VWA5A: variants seen among roughly 807,000 people sequenced by gnomAD.
VWA5A encodes the protein von Willebrand factor A domain containing 5A, also known as von Willebrand factor A domain-containing protein 5A.
VWA5A carries 77 observed loss-of-function variants against 84.6 expected under a neutral mutation model. That is an observed-to-expected ratio of 0.91 (90% confidence interval 0.76 to 1.10). The LOEUF is 1.10. VWA5A is among the 50% of genes least tolerant of loss of function. VWA5A has a pLI of 0.00. For missense variants in VWA5A, 973 were observed against 963.0 expected, an observed-to-expected ratio of 1.01 and a Z score of -0.14; for synonymous variants, 334 against 350.1, an observed-to-expected ratio of 0.95 and a Z score of 0.51.
intron 7 of VWA5A, among the ~76,000 whole-genome samples, chr11:124,122,313 C>G (rs1864944203): frequency 6.6e-6 from 1 of 152,142 alleles, no homozygotes; most frequent in Non-Finnish European, 1.5e-5. Context: ...GACAACATGG[C>G]CAGATAGACT....
Position 124,145,300 on chromosome 11 carries a change from G to A in VWA5A, c.2218G>A (p.Asp740Asn), listed in dbSNP as rs769598507. 2.5e-6 allele frequency: 4 copies of A among 1,613,936 alleles called. No homozygotes were observed. Among genetic ancestry groups the A allele is most frequent in the Middle Eastern group, 3.3e-4 (2 of 6,060 alleles). ...AVIWLHSNGK[D>N]LKCEWELLER... ...GATCTGGCTGCACAGCAATGGTAAGGACTTGAAGTGTGAATGGGAGCTTCT... is the reference window on the plus strand; with the variant it reads ...GATCTGGCTGCACAGCAATGGTAAGAACTTGAAGTGTGAATGGGAGCTTCT... The change falls in exon 18 of 19, where the codon GAC becomes AAC. Residue 740 changes from aspartate to asparagine, a missense_variant. Transcript: ENST00000456829.
chr11:124,133,982 G>A (rs1865135133), intron 11 of VWA5A, among the ~76,000 whole-genome samples: 1 of 152,102 alleles, frequency 6.6e-6, no homozygotes, highest in African/African-American at 2.4e-5. Flanking sequence ...CCTGGCACTG[G>A]CTTCCCAAAG....
intron 11 of VWA5A, among the ~76,000 whole-genome samples, chr11:124,130,650 A>G (rs574790098): frequency 4.7e-4 from 71 of 152,096 alleles, no homozygotes; most frequent in Non-Finnish European, 8.8e-4. Context: ...TGCTTTGTGA[A>G]TCTGTGTGCT....
At chr11:124,134,839 G>A (rs1865149058) in intron 11 of VWA5A, 81 bp from the exon 12 acceptor site, 1 of 982,640 alleles carries the variant, frequency 1.0e-6, no homozygotes, top group Non-Finnish European at 1.5e-6. Context: ...ATTTCCTTAT[G>A]TATTTTTGGC....
At chr11:124,128,631 A>G (rs748808732) in intron 11 of VWA5A, among the ~76,000 whole-genome samples, 6 of 152,072 alleles carry the variant, frequency 3.9e-5, no homozygotes, top group Non-Finnish European at 8.8e-5. Context: ...ATGTTTTTCT[A>G]TTTGTTTGTG....
chr11:124,123,062 G>A lies in VWA5A; in HGVS notation c.863G>A (p.Arg288His), dbSNP rs763589021. Residue 288 changes from arginine to histidine, a missense_variant, in exon 8 of 19, where the codon CGC becomes CAC. Physicochemically the swap from Arg to His is conservative, Grantham distance 29. Coordinates refer to ENST00000456829, the MANE Select transcript of VWA5A (RefSeq NM_001130142.2). Reference sequence around the variant, plus strand: ...GGAGAGTTTATCTTTCTCATGGACCGCTCGGGAAGTATGCAGAGCCCCATG... The same window carrying A: ...GGAGAGTTTATCTTTCTCATGGACCACTCGGGAAGTATGCAGAGCCCCATG... ...TCGEFIFLMD[R>H]SGSMQSPMSS... is the part of the protein sequence containing the mutation. The A allele has an allele frequency of 2.3e-5, 37 of 1,613,886 alleles. No individual in the cohort carries two copies. Among genetic ancestry groups the A allele is most frequent in the African/African-American group, 1.1e-4 (8 of 74,892 alleles).
Position 124,134,986 on chromosome 11 carries a change from A to T in VWA5A, c.1311A>T (p.Ser437=). 6.2e-7 allele frequency: 1 copy of T among 1,613,650 alleles called. No individual in the cohort carries two copies. The highest frequency in any genetic ancestry group is 8.5e-7 in the Non-Finnish European group (1 of 1,179,830). The change falls in exon 12 of 19, where the codon TCA becomes TCT. Residue 437 remains serine (S), a synonymous_variant. Transcript: ENST00000456829. Reference sequence around the variant, plus strand: ...TAATAAAAGGTATTGCCCGGGCATCAGGGGGCACCTCAGAATTTATCACAG... The same window carrying T: ...TAATAAAAGGTATTGCCCGGGCATCTGGGGGCACCTCAGAATTTATCACAG... The part of the protein sequence containing the change: ...TSLIKGIARA[S]GGTSEFITGK...
In VWA5A at chr11:124,126,424, A is replaced by G. The variant is rs577388694; in HGVS notation, c.1244+2108A>G. On this transcript the variant is annotated intron_variant, in intron 11 of 18. Coordinates refer to ENST00000456829, the MANE Select transcript of VWA5A (RefSeq NM_001130142.2). Reference sequence around the variant, plus strand: ...ATTTCTCGAAGTGTTTGTTTCCAACATTTTATTAAGAAACCTTAAACATAT... The same window carrying G: ...ATTTCTCGAAGTGTTTGTTTCCAACGTTTTATTAAGAAACCTTAAACATAT... 3.3e-5 allele frequency among the ~76,000 whole-genome samples: 5 copies of G among 152,310 alleles called. No homozygotes were observed. In the South Asian group the frequency reaches 1.0e-3, roughly 32 times the overall value.
intron 11 of VWA5A, among the ~76,000 whole-genome samples, chr11:124,126,711 A>G (rs1214877267): frequency 6.6e-6 from 1 of 151,712 alleles, no homozygotes; most frequent in East Asian, 1.9e-4. Flanking sequence ...GTGAGCCGAG[A>G]TCACACCGCT....
chr11:124,144,992 A>T (rs961872709), intron 17 of VWA5A, among the ~76,000 whole-genome samples: 1 of 152,188 alleles, frequency 6.6e-6, no homozygotes, highest in Non-Finnish European at 1.5e-5. Context: ...AGGGGTTTCC[A>T]GAACCGTCCT....
At position 124,137,277 on chromosome 11, in the gene VWA5A, T is replaced by C. The variant is rs1225974446; in HGVS notation, c.1879+9T>C. 3 of 1,612,548 alleles carry C rather than the reference T, an allele frequency of 1.9e-6. No individual in the cohort carries two copies. The highest frequency in any genetic ancestry group is 1.7e-6 in the Non-Finnish European group (2 of 1,179,356). On this transcript the variant is annotated intron_variant, in intron 15 of 18. Transcript: ENST00000456829. The stretch of plus-strand genomic sequence containing the variant: ...GATAAAATGCCAATCAGGTAATGAG[T>C]TTTATTCCATTCAAACTCATATAGA...
chr11:124,117,859 T>C lies in VWA5A; in HGVS notation c.230T>C (p.Leu77Ser). 1.2e-6 allele frequency: 2 copies of C among 1,614,208 alleles called. No individual in the cohort carries two copies. The highest frequency in any genetic ancestry group is 3.3e-4 in the Middle Eastern group (2 of 6,062). Reference sequence around the variant, plus strand: ...GATGGGAAGAAAATTGTAGCAGAATTACAAGACAAGATGAAGGTAGTAGAG... The same window carrying C: ...GATGGGAAGAAAATTGTAGCAGAATCACAAGACAAGATGAAGGTAGTAGAG... ...LVDGKKIVAE[L>S]QDKMKARTNY... Residue 77 changes from leucine to serine, a missense_variant, in exon 4 of 19, where the codon TTA (leucine) becomes TCA (serine). Leu to Ser is a moderately radical substitution (Grantham distance 145). Transcript: ENST00000456829.
Position 124,123,814 on chromosome 11 carries a change from G to A in VWA5A, c.1164+10G>A, listed in dbSNP as rs776327750. 3 of 1,549,030 alleles carry A rather than the reference G, an allele frequency of 1.9e-6. No individual in the cohort carries two copies. The highest frequency in any genetic ancestry group is 8.7e-7 in the Non-Finnish European group (1 of 1,154,906). ...AGGCCACCCCCTACAGGTAAGAAGT[G>A]GAACAGAGCTAACAGAAGAGACAGG... On this transcript the variant is annotated intron_variant, in intron 10 of 18. Coordinates refer to ENST00000456829, the MANE Select transcript of VWA5A (RefSeq NM_001130142.2).
At chr11:124,127,694 T>TA (rs1217034617) in intron 11 of VWA5A, among the ~76,000 whole-genome samples, 24 of 152,362 alleles carry the variant, frequency 1.6e-4, no homozygotes, top group African/African-American at 5.8e-4. Flanking sequence ...CCTGACTTTT[T>TA]AATGATCACC....
intron 15 of VWA5A, among the ~76,000 whole-genome samples, chr11:124,138,098 A>G (rs1591365324): frequency 6.6e-6 from 1 of 152,160 alleles, no homozygotes; most frequent in East Asian, 1.9e-4. Flanking sequence ...TTCACTTGAC[A>G]TAATGTTCTC....
chr11:124,129,614 T>A (rs1252003866), intron 11 of VWA5A, among the ~76,000 whole-genome samples: 1 of 152,182 alleles, frequency 6.6e-6, no homozygotes, highest in East Asian at 1.9e-4. Context: ...GGTCCTGGGC[T>A]TCTTTTGGTT....
intron 2 of VWA5A, 84 bp from the exon 3 acceptor site, chr11:124,117,413 T>A: frequency 7.8e-7 from 1 of 1,281,048 alleles, no homozygotes; most frequent in Non-Finnish European, 1.1e-6. Flanking sequence ...TGTATTCTTA[T>A]GCCAGAGAAA....
intron 11 of VWA5A, among the ~76,000 whole-genome samples, chr11:124,126,334 T>G (rs911406342): frequency 6.6e-6 from 1 of 152,238 alleles, no homozygotes; most frequent in Non-Finnish European, 1.5e-5. Flanking sequence ...GACTTACTAT[T>G]TACTATATTG....
In VWA5A at chr11:124,142,551, A is replaced by G; in HGVS notation, c.2133A>G (p.Ile711Met). Residue 711 changes from isoleucine (I) to methionine (M), a missense_variant, in exon 17 of 19, where the codon ATA becomes ATG. Physicochemically the swap from Ile to Met is conservative, Grantham distance 10. Coordinates refer to ENST00000456829, the MANE Select transcript of VWA5A (RefSeq NM_001130142.2). ...TCCTAGGTATGAGTTTGGAAGAAAT[A>G]ATGGCTGCACAGCCTGCCGAGGTAA... The part of the protein sequence containing the change: ...AKILGMSLEE[I>M]MAAQPAELVD... 10 of 1,614,224 alleles carry G rather than the reference A, an allele frequency of 6.2e-6. No individual in the cohort carries two copies. The highest frequency in any genetic ancestry group is 8.5e-6 in the Non-Finnish European group (10 of 1,180,044).
Sources: gnomAD v4.1 joint callset for allele counts (sites outside exome capture counted in the v4.1 genomes callset) on GRCh38, gnomAD v4.1.1 for gene constraint, MANE v1.5 for transcripts, NCBI Gene and HGNC (gene_info 2026-07-23, HGNC 2026-07-21) for gene names.